The following LCK variants were observed in gnomAD, a reference collection of about 807,000 sequenced individuals.
The protein encoded by LCK is tyrosine-protein kinase Lck.
LCK carries 14 observed loss-of-function variants against 64.6 expected under a neutral mutation model. That is an observed-to-expected ratio of 0.22 (90% CI 0.14 to 0.34). The LOEUF is 0.34. LCK is among the 10% of genes least tolerant of loss of function. LCK has a pLI of 1.00. For synonymous variants in LCK, 277 were observed against 263.6 expected (o/e 1.05, Z -0.49); for missense variants, 434 against 668.1 (o/e 0.65, Z 3.86).
At position 32,276,665 on chromosome 1, in the gene LCK, C is replaced by T. The variant is rs1338541678; in HGVS notation, c.843C>T (p.Ser281=). 1.2e-6 allele frequency: 2 copies of T among 1,614,058 alleles called. No homozygotes were observed. Among genetic ancestry groups the T allele is most frequent in the South Asian group, 1.1e-5 (1 of 91,060 alleles). The stretch of plus-strand genomic sequence containing the variant: ...AGAGCCTGAAGCAGGGCAGCATGTC[C>T]CCGGACGCCTTCCTGGCCGAGGCCA... ...AVKSLKQGSM[S]PDAFLAEANL... is the part of the protein sequence containing the mutation. Residue 281 remains serine (S), a synonymous_variant, in exon 9 of 13, where the codon TCC becomes TCT. Transcript: ENST00000336890. The surrounding 1 kb of genome is among the most constrained non-coding windows in gnomAD (Gnocchi z 4.6).
At chr1:32,280,447 T>C (rs1030366068) in intron 12 of LCK, among the ~76,000 whole-genome samples, 1 of 106,630 alleles carries the variant, frequency 9.4e-6, no homozygotes, top group African/African-American at 4.1e-5. Flanking sequence ...CTTTTTCTTT[T>C]TTTTTTTTTT....
Position 32,276,600 on chromosome 1 carries a change from G to C in LCK, c.785-7G>C, listed in dbSNP as rs779692471. 34 of 1,599,718 alleles carry C rather than the reference G, an allele frequency of 2.1e-5. No individual in the cohort carries two copies. The highest frequency in any genetic ancestry group is 2.8e-5 in the Non-Finnish European group (33 of 1,170,324). On this transcript the variant is annotated splice_region_variant and splice_polypyrimidine_tract_variant and intron_variant, in intron 8 of 12. Coordinates refer to ENST00000336890, the MANE Select transcript of LCK (RefSeq NM_005356.5). This position sits in a 1 kb window ranked among gnomAD's most constrained non-coding sequence, Gnocchi z 4.6. The stretch of plus-strand genomic sequence containing the variant: ...GACTTTCCCACTCCTTCCCTTCCCC[G>C]ACCCAGGGTACTACAACGGGCACAC...
chr1:32,256,045 A>C (rs1405494157), intron 1 of LCK, among the ~76,000 whole-genome samples: 1 of 152,102 alleles, frequency 6.6e-6, no homozygotes, highest in East Asian at 1.9e-4. Context: ...AGGCAGGAAG[A>C]TCTCTTGAGA....
At chr1:32,262,565 A>G (rs1213012307) in intron 1 of LCK, among the ~76,000 whole-genome samples, 1 of 151,044 alleles carries the variant, frequency 6.6e-6, no homozygotes, top group African/African-American at 2.4e-5. Context: ...TGGGATTACA[A>G]GCATGCGCCT....
In LCK at chr1:32,274,791, T is replaced by G. The variant is rs540222297; in HGVS notation, c.160T>G (p.Ser54Ala). ...VRDPLVTYEGSNPPASPLQDN... is the reference protein window; with the variant it reads ...VRDPLVTYEGANPPASPLQDN... ...GGACCCACTGGTTACCTACGAAGGC[T>G]CCAATCCGCCGGCTTCCCCACTGCA... Residue 54 changes from serine (S) to alanine (A), a missense_variant, in exon 3 of 13, where the codon TCC (serine) becomes GCC (alanine). Transcript: ENST00000336890. The G allele has an allele frequency of 6.2e-6, 10 of 1,613,342 alleles. No homozygotes were observed. In the African/African-American group the frequency reaches 9.3e-5, roughly 15 times the overall value.
intron 1 of LCK, among the ~76,000 whole-genome samples, chr1:32,268,840 G>GAAAAT (rs1377209375): frequency 3.4e-5 from 5 of 148,280 alleles, no homozygotes; most frequent in Admixed American, 6.7e-5. Context: ...GAAAAGAAAA[G>GAAAAT]AAACAGGAGT....
At chr1:32,268,555 C>A (rs566305110) in intron 1 of LCK, among the ~76,000 whole-genome samples, 1 of 151,952 alleles carries the variant, frequency 6.6e-6, no homozygotes, top group South Asian at 2.1e-4. Flanking sequence ...GTGATTATTA[C>A]ACATTGTATG....
chr1:32,285,403 G>T (rs1640585201), intron 12 of LCK, 111 bp from the exon 13 acceptor site: 2 of 960,588 alleles, frequency 2.1e-6, no homozygotes, highest in East Asian at 2.4e-5. Context: ...TGAAGACCAA[G>T]ATTCTTTTGG....
At chr1:32,268,905 A>G (rs1179101583) in intron 1 of LCK, among the ~76,000 whole-genome samples, 9 of 150,986 alleles carry the variant, frequency 6.0e-5, no homozygotes, top group Non-Finnish European at 1.3e-4. Flanking sequence ...TGGGAGGCTG[A>G]GGTCAGGAGT....
chr1:32,277,596 C>A (rs1640320858), intron 9 of LCK, among the ~76,000 whole-genome samples: 1 of 152,152 alleles, frequency 6.6e-6, no homozygotes, highest in Admixed American at 6.6e-5. Flanking sequence ...GCTTTGTTCA[C>A]ACCGATTTGC....
At position 32,266,390 on chromosome 1, in the gene LCK, C is replaced by T. The variant is rs535693662; in HGVS notation, c.-5-7935C>T. Among the ~76,000 whole-genome samples, 8 of 148,318 alleles carry T rather than the reference C, an allele frequency of 5.4e-5. No homozygotes were observed. In the South Asian group the frequency reaches 8.8e-4, roughly 16 times the overall value. ...GCGGGCGCCGGTAGTTCCAGCTACT[C>T]GGGAGGCTGAGGCAGGAGAAGGGCG... On this transcript the variant is annotated intron_variant, in intron 1 of 12. Transcript: ENST00000336890.
rs998745057 is a variant in LCK at position 32,254,763 on chromosome 1, C to T, written c.-6+3392C>T. Among the ~76,000 whole-genome samples the T allele has an allele frequency of 3.3e-5, 5 of 152,232 alleles. No individual in the cohort carries two copies. In the East Asian group the frequency reaches 9.7e-4, roughly 30 times the overall value. ...CCGATCTCAGGTGATCCGCCTGCCTCAGCCTCCCAAAGTGCTGGGATTACA... is the reference window on the plus strand; with the variant it reads ...CCGATCTCAGGTGATCCGCCTGCCTTAGCCTCCCAAAGTGCTGGGATTACA... On this transcript the variant is annotated intron_variant, in intron 1 of 12. Transcript: ENST00000336890.
In LCK at chr1:32,285,836, C is replaced by T. The variant is rs1226318726; in HGVS notation, c.*120C>T. 5.0e-6 allele frequency: 5 copies of T among 1,004,218 alleles called. No individual in the cohort carries two copies. The highest frequency in any genetic ancestry group is 2.2e-5 in the Admixed American group (1 of 46,246). 62.2% of individuals were successfully genotyped at this position (1,004,218 alleles called of 1,614,324 possible). On this transcript the variant is annotated 3_prime_UTR_variant, in exon 13 of 13. Transcript: ENST00000336890. Reference sequence around the variant, plus strand: ...TATGGACTCTGCACATGAATCCCACCCACATGTGACACATATGCACCTTGT... The same window carrying T: ...TATGGACTCTGCACATGAATCCCACTCACATGTGACACATATGCACCTTGT...
At chr1:32,280,294 C>G (rs1038400128) in intron 12 of LCK, 84 bp downstream of exon 12, 6 of 1,563,582 alleles carry the variant, frequency 3.8e-6, no homozygotes, top group Non-Finnish European at 5.2e-6. Context: ...GTCTCAGAAT[C>G]TGAAACTTTG....
At chr1:32,282,703 G>A (rs1640498089) in intron 12 of LCK, among the ~76,000 whole-genome samples, 1 of 152,070 alleles carries the variant, frequency 6.6e-6, no homozygotes, top group Admixed American at 6.6e-5. Context: ...CCACTCAAGA[G>A]GCTGGGGCAA....
chr1:32,256,174 T>C (rs934507010), intron 1 of LCK, among the ~76,000 whole-genome samples: 3 of 151,964 alleles, frequency 2.0e-5, no homozygotes, highest in Non-Finnish European at 4.4e-5. Context: ...AGTCTTGCTC[T>C]GTCACCCAGG....
intron 1 of LCK, among the ~76,000 whole-genome samples, chr1:32,265,182 CA>C (rs557764597): frequency 0.075 from 7,171 of 95,398 alleles, 215 homozygotes; most frequent in Middle Eastern, 0.17. Flanking sequence ...GACTTTGTCT[CA>C]AAAAAAAAAA....
chr1:32,260,079 C>G (rs1639729669), intron 1 of LCK, among the ~76,000 whole-genome samples: 1 of 151,494 alleles, frequency 6.6e-6, no homozygotes, highest in Non-Finnish European at 1.5e-5. Flanking sequence ...GAGTCTTGCT[C>G]TGTCGCCACG....
In LCK at chr1:32,251,637, G is replaced by T. The variant is rs1282979140; in HGVS notation, c.-6+266G>T. Among the ~76,000 whole-genome samples the T allele has an allele frequency of 1.3e-5, 2 of 152,190 alleles. No individual in the cohort carries two copies. The highest frequency in any genetic ancestry group is 2.9e-5 in the Non-Finnish European group (2 of 68,034). On this transcript the variant is annotated intron_variant, in intron 1 of 12. Transcript: ENST00000336890. This position sits in a 1 kb window ranked among gnomAD's most constrained non-coding sequence, Gnocchi z 4.0. Reference sequence around the variant, plus strand: ...GTGTTTCCTGGACACCAGGCACATGGACAGTCAGGTGTTAAAAAGGCTTCC... The same window carrying T: ...GTGTTTCCTGGACACCAGGCACATGTACAGTCAGGTGTTAAAAAGGCTTCC...
Sources: gnomAD v4.1 joint callset for allele counts (sites outside exome capture counted in the v4.1 genomes callset) on GRCh38, gnomAD v4.1.1 for gene constraint, Gnocchi (gnomAD v3.1) non-coding constraint, MANE v1.5 for transcripts, NCBI Gene and HGNC (gene_info 2026-07-23, HGNC 2026-07-21) for gene names.